LEPR: variants seen among roughly 807,000 people sequenced by gnomAD.
The protein encoded by LEPR is leptin receptor.
In LEPR, 56 loss-of-function variants were observed where a neutral mutation model predicts 114.7. That is an observed-to-expected ratio of 0.49 (90% confidence interval 0.39 to 0.61). LEPR has a LOEUF of 0.61. Ranked by LOEUF, LEPR falls within the 20% of genes least tolerant of loss-of-function variation. LEPR has a pLI of 0.00. For missense variants in LEPR, 1,202 were observed against 1,352.9 expected (o/e 0.89, Z 1.75); for synonymous variants, 443 against 461.4 (o/e 0.96, Z 0.51).
intron 2 of LEPR, among the ~76,000 whole-genome samples, chr1:65,470,528 G>A (rs1647070176): frequency 6.6e-6 from 1 of 152,194 alleles, no homozygotes; most frequent in Non-Finnish European, 1.5e-5. Context: ...TGATATAGTT[G>A]TGAATGAATA....
intron 2 of LEPR, among the ~76,000 whole-genome samples, chr1:65,517,834 A>T (rs1273147535): frequency 1.3e-5 from 2 of 152,188 alleles, no homozygotes; most frequent in African/African-American, 4.8e-5. Context: ...TTGTTGTGAG[A>T]GTTAGAAAGT....
chr1:65,443,468 C>T (rs1464019522), intron 2 of LEPR, among the ~76,000 whole-genome samples: 2 of 150,764 alleles, frequency 1.3e-5, no homozygotes, highest in Non-Finnish European at 3.0e-5. Flanking sequence ...TATATATACA[C>T]ATCTATATCT....
intron 2 of LEPR, among the ~76,000 whole-genome samples, chr1:65,443,352 G>A (rs919678127): frequency 2.6e-5 from 4 of 151,902 alleles, no homozygotes; most frequent in African/African-American, 7.2e-5. Context: ...CCAGGAGTTC[G>A]AGACCTGCCT....
intron 2 of LEPR, among the ~76,000 whole-genome samples, chr1:65,546,317 T>G (rs893239109): frequency 2.0e-5 from 3 of 152,218 alleles, no homozygotes; most frequent in Non-Finnish European, 4.4e-5. Context: ...ATGTGAACTT[T>G]AAAGTAGTTT....
intron 5 of LEPR, chr1:65,576,648 A>T (rs1427588860): frequency 1.3e-5 from 2 of 156,390 alleles, no homozygotes; most frequent in Non-Finnish European, 2.8e-5. Flanking sequence ...TCAATTCAAC[A>T]TGCTCACTGA....
intron 14 of LEPR, among the ~76,000 whole-genome samples, chr1:65,611,664 C>A (rs1248558286): frequency 6.6e-6 from 1 of 152,190 alleles, no homozygotes; most frequent in Non-Finnish European, 1.5e-5. Flanking sequence ...TTGTCTTTCT[C>A]CAGACAGTTC....
At chr1:65,618,595 T>C (rs769472086) in intron 16 of LEPR, among the ~76,000 whole-genome samples, 6 of 152,222 alleles carry the variant, frequency 3.9e-5, no homozygotes, top group Non-Finnish European at 8.8e-5. Context: ...CCTCCCAAAG[T>C]GTTGGGATTA....
At chr1:65,609,819 C>A in intron 12 of LEPR, 128 bp from the exon 13 acceptor site, 1 of 1,299,088 alleles carries the variant, frequency 7.7e-7, no homozygotes, top group Non-Finnish European at 1.1e-6. Context: ...TTTCTGAAGG[C>A]AGAGAACACA....
chr1:65,513,998 G>C (rs1318794834), intron 2 of LEPR, among the ~76,000 whole-genome samples: 1 of 152,150 alleles, frequency 6.6e-6, no homozygotes, highest in Admixed American at 6.5e-5. Flanking sequence ...TTCGGTTACT[G>C]CATGAAGTAC....
chr1:65,587,506 A>G (rs1408064593), intron 5 of LEPR, among the ~76,000 whole-genome samples: 1 of 152,068 alleles, frequency 6.6e-6, no homozygotes, highest in African/African-American at 2.4e-5. Context: ...TGATATTCAC[A>G]CCCTTGTAAA....
intron 2 of LEPR, chr1:65,432,795 AAG>A (rs1248003312): frequency 1.0e-4 from 54 of 526,296 alleles, no homozygotes; most frequent in Admixed American, 9.5e-4. Flanking sequence ...CAATATTGCT[AAG>A]AGAGTAAATT....
intron 2 of LEPR, among the ~76,000 whole-genome samples, chr1:65,553,674 T>A (rs1652595548): frequency 6.6e-6 from 1 of 152,106 alleles, no homozygotes; most frequent in East Asian, 1.9e-4. Flanking sequence ...CTTCTTTAGC[T>A]CAAAGGAGTT....
intron 2 of LEPR, among the ~76,000 whole-genome samples, chr1:65,462,503 G>C (rs1389122697): frequency 6.6e-6 from 1 of 152,124 alleles, no homozygotes; most frequent in Non-Finnish European, 1.5e-5. Flanking sequence ...ATAATCCTTT[G>C]GGTATATACC....
chr1:65,538,194 C>G (rs1157838200), intron 2 of LEPR, among the ~76,000 whole-genome samples: 3 of 151,808 alleles, frequency 2.0e-5, no homozygotes, highest in Non-Finnish European at 4.4e-5. Flanking sequence ...TCCACTGACT[C>G]ATATTCTAGT....
chr1:65,425,555 A>G (rs1276262238), intron 2 of LEPR, among the ~76,000 whole-genome samples, 177 bp downstream of exon 2: 1 of 152,198 alleles, frequency 6.6e-6, no homozygotes, highest in African/African-American at 2.4e-5. Flanking sequence ...GGCTCTGTTA[A>G]AAATTGATGT....
At chr1:65,546,443 T>G in intron 2 of LEPR, among the ~76,000 whole-genome samples, 1 of 152,152 alleles carries the variant, frequency 6.6e-6, no homozygotes, top group Non-Finnish European at 1.5e-5. Context: ...CCCATGAGCA[T>G]GGAATGTTCT....
In LEPR at chr1:65,632,290, C is replaced by T. The variant is rs565705484; in HGVS notation, c.2674-3901C>T. The stretch of plus-strand genomic sequence containing the variant: ...GTTCTGTTTAGAAGTAGCCATCTCC[C>T]CTATGCCCAGAAATGCACATTACTG... On this transcript the variant is annotated intron_variant, in intron 19 of 19. Coordinates refer to ENST00000349533, the MANE Select transcript of LEPR (RefSeq NM_002303.6). Among the ~76,000 whole-genome samples the T allele has an allele frequency of 7.2e-5, 11 of 152,192 alleles. No individual in the cohort carries two copies. In the East Asian group the frequency reaches 1.5e-3, roughly 21 times the overall value.
chr1:65,582,526 G>A (rs1179188778), intron 5 of LEPR, among the ~76,000 whole-genome samples: 1 of 152,144 alleles, frequency 6.6e-6, no homozygotes, highest in Middle Eastern at 3.2e-3. Context: ...TCCTGAGAGT[G>A]AGCCAGAGAG....
intron 2 of LEPR, among the ~76,000 whole-genome samples, chr1:65,536,535 T>C (rs1043366004): frequency 4.6e-5 from 7 of 152,192 alleles, no homozygotes; most frequent in African/African-American, 1.7e-4. Flanking sequence ...ATTTAACTAT[T>C]ATACAGTATT....
Sources: gnomAD v4.1 joint callset for allele counts (sites outside exome capture counted in the v4.1 genomes callset) on GRCh38, gnomAD v4.1.1 for gene constraint, MANE v1.5 for transcripts, NCBI Gene and HGNC (gene_info 2026-07-23, HGNC 2026-07-21) for gene names.